The following PTPRD variants were observed in gnomAD, a reference collection of about 807,000 sequenced individuals.
PTPRD encodes the protein protein tyrosine phosphatase receptor type D.
PTPRD carries 34 observed loss-of-function variants against 214.5 expected under a neutral mutation model. That is an observed-to-expected ratio of 0.16 (90% confidence interval 0.12 to 0.21). The LOEUF is 0.21. Ranked by LOEUF, PTPRD falls within the 10% of genes least tolerant of loss-of-function variation. The pLI is 1.00. For missense variants in PTPRD, 2,545 were observed against 2,398.7 expected (o/e 1.06, Z -1.27); for synonymous variants, 1,128 against 845.7 (o/e 1.33, Z -5.79).
intron 7 of PTPRD, among the ~76,000 whole-genome samples, chr9:9,627,284 G>A (rs2095452717): frequency 6.6e-6 from 1 of 152,198 alleles, no homozygotes; most frequent in Admixed American, 6.6e-5. Flanking sequence ...TACAACATGG[G>A]CGACAGAGTG....
chr9:9,014,720 T>C (rs918765734), intron 11 of PTPRD, among the ~76,000 whole-genome samples: 1 of 152,254 alleles, frequency 6.6e-6, no homozygotes. Context: ...CATGATGAAA[T>C]GTATTTCTAA....
At chr9:10,158,239 C>A (rs2099105816) in intron 3 of PTPRD, among the ~76,000 whole-genome samples, 1 of 152,152 alleles carries the variant, frequency 6.6e-6, no homozygotes, top group African/African-American at 2.4e-5. Context: ...GAACTCCTGA[C>A]CTCATGATCT....
chr9:10,194,343 TATAGAGAGAGAGAGAG>T (rs1348558326), intron 3 of PTPRD, among the ~76,000 whole-genome samples: 876 of 40,508 alleles, frequency 0.022, 8 homozygotes, highest in Middle Eastern at 0.045. Context: ...TATATATATA[TATAGAGAGAGAGAGAG>T]AGAGAGAGAG....
intron 8 of PTPRD, among the ~76,000 whole-genome samples, chr9:9,464,473 A>C (rs1218367608): frequency 6.6e-6 from 1 of 152,184 alleles, no homozygotes; most frequent in Admixed American, 6.6e-5. Flanking sequence ...CCTAATTTTC[A>C]TCTCCTGTGA....
rs548295303 is a variant in PTPRD at position 8,707,300 on chromosome 9, A to G, written c.64+26480T>C. ...TGAAAGGATGTTACCTGGATGGGCA[A>G]TGGATATTTCTCCATCAGAAATGCA... On this transcript the variant is annotated intron_variant, in intron 12 of 45. Coordinates refer to ENST00000381196, the MANE Select transcript of PTPRD (RefSeq NM_002839.4). Among the ~76,000 whole-genome samples the G allele has an allele frequency of 2.0e-5, 3 of 152,368 alleles. No individual in the cohort carries two copies. In the East Asian group the frequency reaches 5.8e-4, roughly 29 times the overall value.
chr9:9,774,955 T>G (rs1016091552), intron 5 of PTPRD, among the ~76,000 whole-genome samples: 13 of 152,098 alleles, frequency 8.5e-5, no homozygotes, highest in Admixed American at 1.3e-4. Context: ...TAATGTGGAG[T>G]AATGGCAGCT....
In PTPRD at chr9:8,484,175, G is replaced by C. The variant is rs1289050125; in HGVS notation, c.3357C>G (p.Asn1119Lys). 3 of 1,614,160 alleles carry C rather than the reference G, an allele frequency of 1.9e-6. No homozygotes were observed. Among genetic ancestry groups the C allele is most frequent in the Non-Finnish European group, 2.5e-6 (3 of 1,180,026 alleles). ...GTTGCACAGTAATCATGCCATCCAAGTTGGTCTTCCCAATGAAGGCAGGCT... is the reference window on the plus strand; with the variant it reads ...GTTGCACAGTAATCATGCCATCCAACTTGGTCTTCCCAATGAAGGCAGGCT... ...RTKPAFIGKTNLDGMITVQLP... is the reference protein window; with the variant it reads ...RTKPAFIGKTKLDGMITVQLP... Residue 1119 changes from asparagine to lysine, a missense_variant, in exon 30 of 46, where the codon AAC (asparagine) becomes AAG (lysine). Asn to Lys is a moderately conservative substitution (Grantham distance 94). Coordinates refer to ENST00000381196, the MANE Select transcript of PTPRD (RefSeq NM_002839.4).
At chr9:8,892,176 T>A (rs1365755740) in intron 11 of PTPRD, among the ~76,000 whole-genome samples, 1 of 152,192 alleles carries the variant, frequency 6.6e-6, no homozygotes, top group Non-Finnish European at 1.5e-5. Flanking sequence ...AACTCCTCCA[T>A]CCACGCTGCT....
At chr9:9,210,066 C>A (rs767937950) in intron 9 of PTPRD, among the ~76,000 whole-genome samples, 1 of 152,016 alleles carries the variant, frequency 6.6e-6, no homozygotes, top group Non-Finnish European at 1.5e-5. Context: ...TTTGCCCCAG[C>A]GGAAAATGTT....
intron 8 of PTPRD, among the ~76,000 whole-genome samples, chr9:9,419,553 A>T (rs1267871877): frequency 2.6e-5 from 4 of 151,836 alleles, no homozygotes; most frequent in African/African-American, 9.7e-5. Context: ...AAACAGTTTA[A>T]GAAAAGCCCC....
At chr9:9,764,936 G>A (rs187885815) in intron 6 of PTPRD, among the ~76,000 whole-genome samples, 11 of 152,234 alleles carry the variant, frequency 7.2e-5, no homozygotes, top group Admixed American at 5.2e-4. Flanking sequence ...GCAGGCTCGA[G>A]GTTGAAGCTG....
Position 9,839,093 on chromosome 9 carries a change from T to G in PTPRD, c.-367-72242A>C, listed in dbSNP as rs914373131. Reference sequence around the variant, plus strand: ...GATAGTTGTAGATATGCGGCGTTATTTTTGAGGGCTCTGTGCTGTTCCATT... The same window carrying G: ...GATAGTTGTAGATATGCGGCGTTATGTTTGAGGGCTCTGTGCTGTTCCATT... On this transcript the variant is annotated intron_variant, in intron 5 of 45. Coordinates refer to ENST00000381196, the MANE Select transcript of PTPRD (RefSeq NM_002839.4). Among the ~76,000 whole-genome samples, 7 of 152,200 alleles carry G rather than the reference T, an allele frequency of 4.6e-5. No homozygotes were observed. In the South Asian group the frequency reaches 1.0e-3, roughly 22 times the overall value.
Position 9,541,335 on chromosome 9 carries a change from G to T in PTPRD, c.-237+33397C>A, listed in dbSNP as rs563712369. On this transcript the variant is annotated intron_variant, in intron 8 of 45. Coordinates refer to ENST00000381196, the MANE Select transcript of PTPRD (RefSeq NM_002839.4). ...TACTACTAGACTGAGAGGTCATATG[G>T]AGGCGCTCTGGAAGATGAAACACCA... Among the ~76,000 whole-genome samples the T allele has an allele frequency of 2.6e-5, 4 of 151,868 alleles. No homozygotes were observed. The South Asian group carries it at 8.3e-4, about 31-fold the overall frequency.
intron 3 of PTPRD, among the ~76,000 whole-genome samples, chr9:10,208,801 A>C (rs536162039): frequency 2.0e-5 from 3 of 152,292 alleles, no homozygotes; most frequent in African/African-American, 7.2e-5. Context: ...GTAAATATAA[A>C]AATGAAACAG....
chr9:8,968,300 T>G (rs2099212695), intron 11 of PTPRD, among the ~76,000 whole-genome samples: 1 of 152,134 alleles, frequency 6.6e-6, no homozygotes, highest in Non-Finnish European at 1.5e-5. Flanking sequence ...AAATGGTATT[T>G]CTAGTTCTAG....
At chr9:9,549,253 T>C (rs2079595758) in intron 8 of PTPRD, among the ~76,000 whole-genome samples, 2 of 151,894 alleles carry the variant, frequency 1.3e-5, no homozygotes, top group African/African-American at 4.8e-5. Context: ...TATATATGTG[T>C]ATAATGTATA....
chr9:9,399,534 G>A (rs1213510858), intron 8 of PTPRD, among the ~76,000 whole-genome samples: 1 of 152,070 alleles, frequency 6.6e-6, no homozygotes, highest in Non-Finnish European at 1.5e-5. Context: ...AGTTTTCAAA[G>A]TGTTCTGATA....
intron 3 of PTPRD, among the ~76,000 whole-genome samples, chr9:10,174,954 T>C (rs1488641501): frequency 6.6e-6 from 1 of 152,122 alleles, no homozygotes; most frequent in African/African-American, 2.4e-5. Flanking sequence ...TTGAAATTAC[T>C]TGAGAAAATA....
intron 2 of PTPRD, among the ~76,000 whole-genome samples, chr9:10,597,093 T>C (rs554376159): frequency 2.0e-5 from 3 of 151,410 alleles, no homozygotes; most frequent in East Asian, 2.0e-4. Flanking sequence ...ATTTCACATA[T>C]ATATTTCACA....
Sources: allele counts gnomAD v4.1 joint callset (sites outside exome capture counted in the v4.1 genomes callset), GRCh38; gene constraint gnomAD v4.1.1; transcripts MANE v1.5; gene names NCBI Gene and HGNC (gene_info 2026-07-23, HGNC 2026-07-21).